FIRRM: variants seen among roughly 807,000 people sequenced by gnomAD.
FIRRM encodes FIGNL1 interacting regulator of recombination and mitosis, also known as FIGNL1-interacting regulator of recombination and mitosis.
the FIRRM span, among the ~76,000 whole-genome samples, chr1:169,824,916 T>C: frequency 6.6e-6 from 1 of 152,238 alleles, no homozygotes; most frequent in Admixed American, 6.5e-5. Flanking sequence ...AGGACATCTA[T>C]ACTAAATTGT....
the FIRRM span, among the ~76,000 whole-genome samples, chr1:169,792,316 A>G: frequency 6.6e-6 from 1 of 152,204 alleles, no homozygotes; most frequent in Non-Finnish European, 1.5e-5. Flanking sequence ...AGGTGGTAAA[A>G]GGTCAAATAG....
the FIRRM span, among the ~76,000 whole-genome samples, chr1:169,804,688 T>C: frequency 2.0e-5 from 3 of 152,230 alleles, no homozygotes; most frequent in African/African-American, 7.2e-5. Context: ...ATTTTTATTT[T>C]ATTTTATTTT....
chr1:169,788,552 C>G, the FIRRM span, among the ~76,000 whole-genome samples: 3 of 152,154 alleles, frequency 2.0e-5, no homozygotes, highest in Non-Finnish European at 4.4e-5. Flanking sequence ...GTTAAGTTTT[C>G]GAGGAGTCAA....
At chr1:169,826,934 T>C in the FIRRM span, 1 of 906,312 alleles carries the variant, frequency 1.1e-6, no homozygotes. Context: ...ACACTTATTT[T>C]TAAAAACTTA....
the FIRRM span, among the ~76,000 whole-genome samples, chr1:169,836,606 A>G: frequency 6.6e-6 from 1 of 152,222 alleles, no homozygotes. Context: ...ACGAGTATAT[A>G]GGAAAATAAG....
the FIRRM span, chr1:169,851,888 A>T: frequency 6.2e-7 from 1 of 1,613,800 alleles, no homozygotes; most frequent in African/African-American, 1.3e-5. Context: ...TTTTCTGGGA[A>T]CCCTTTGCTA....
At chr1:169,802,590 T>C in the FIRRM span, 1 of 1,422,978 alleles carries the variant, frequency 7.0e-7, no homozygotes, top group South Asian at 1.2e-5. Flanking sequence ...ATTTCTCTTA[T>C]TCCTGTTTAT....
the FIRRM span, chr1:169,826,973 A>C: frequency 3.2e-6 from 4 of 1,250,028 alleles, no homozygotes; most frequent in Non-Finnish European, 4.4e-6. Context: ...CTACCAGAAC[A>C]TCAGTTTATA....
chr1:169,802,679 C>G, the FIRRM span: 1 of 1,613,268 alleles, frequency 6.2e-7, no homozygotes, highest in Non-Finnish European at 8.5e-7. Flanking sequence ...AGAGGACTGT[C>G]AAGCCAAAAT....
chr1:169,825,209 T>C, the FIRRM span, among the ~76,000 whole-genome samples: 16 of 152,312 alleles, frequency 1.1e-4, no homozygotes, highest in Non-Finnish European at 1.2e-4. Context: ...GCTAGTTTGT[T>C]CTCCACAAAG....
At chr1:169,784,899 C>A in the FIRRM span, 1 of 152,242 alleles carries the variant, frequency 6.6e-6, no homozygotes, top group South Asian at 2.1e-4. Context: ...ATGGAAATTA[C>A]CTTCTCTACT....
the FIRRM span, among the ~76,000 whole-genome samples, chr1:169,790,347 C>T: frequency 6.6e-6 from 1 of 152,044 alleles, no homozygotes; most frequent in Admixed American, 6.6e-5. Context: ...CCACCACGCC[C>T]ACCTAATTTT....
At chr1:169,834,465 G>A in the FIRRM span, among the ~76,000 whole-genome samples, 1 of 147,932 alleles carries the variant, frequency 6.8e-6, no homozygotes, top group African/African-American at 2.5e-5. Flanking sequence ...CTCCTCTCCT[G>A]CTTGGCTCTT....
the FIRRM span, chr1:169,795,618 G>C: frequency 1.0e-6 from 1 of 997,996 alleles, no homozygotes; most frequent in South Asian, 4.4e-5. Flanking sequence ...GAGGTAAAGC[G>C]AGATACTCTG....
the FIRRM span, among the ~76,000 whole-genome samples, chr1:169,786,010 T>A: frequency 6.6e-6 from 1 of 152,144 alleles, no homozygotes; most frequent in African/African-American, 2.4e-5. Flanking sequence ...AACTTAAGAA[T>A]CTCTAATGAT....
the FIRRM span, chr1:169,850,566 G>C: frequency 7.4e-6 from 3 of 403,148 alleles, no homozygotes; most frequent in Admixed American, 3.7e-5. Flanking sequence ...GGGAGGCCAA[G>C]GTGGGTGGAT....
At chr1:169,804,444 C>T in the FIRRM span, 1 of 320,516 alleles carries the variant, frequency 3.1e-6, no homozygotes, top group Non-Finnish European at 5.6e-6. Context: ...TATTTAGTTA[C>T]TGTAATTTCT....
the FIRRM span, chr1:169,807,749 G>C: frequency 6.6e-7 from 1 of 1,512,632 alleles, no homozygotes; most frequent in Non-Finnish European, 8.8e-7. Context: ...TACTTGATGT[G>C]TTACTTGTGG....
chr1:169,796,898 C>T, the FIRRM span, among the ~76,000 whole-genome samples: 1 of 152,194 alleles, frequency 6.6e-6, no homozygotes, highest in African/African-American at 2.4e-5. Flanking sequence ...GCCCAAATGT[C>T]ACTTCCTTAG....
Sources: allele counts gnomAD v4.1 joint callset (sites outside exome capture counted in the v4.1 genomes callset), GRCh38; gene constraint gnomAD v4.1.1; transcripts MANE v1.5; gene names NCBI Gene and HGNC (gene_info 2026-07-23, HGNC 2026-07-21).